The following ZNF713 variants were observed in gnomAD, a reference collection of about 807,000 sequenced individuals.
ZNF713 encodes the protein zinc finger protein 713.
ZNF713 carries 21 observed loss-of-function variants against 28.7 expected under a neutral mutation model. The observed-to-expected ratio is 0.73, with a 90% CI of 0.52 to 1.05. The LOEUF is 1.05. ZNF713 is among the 50% of genes least tolerant of loss of function. ZNF713 has a pLI of 0.00. For synonymous variants in ZNF713, 167 were observed against 178.0 expected, an observed-to-expected ratio of 0.94 and a Z score of 0.49; for missense variants, 458 against 532.4, an observed-to-expected ratio of 0.86 and a Z score of 1.37.
chr7:55,931,628 C>T (rs12674334), intron 6 of ZNF713, among the ~76,000 whole-genome samples: 27,330 of 148,490 alleles, frequency 0.18, 3,003 homozygotes, highest in East Asian at 0.35. Context: ...CCTCTCTCCT[C>T]TCCCTCCTTC....
intron 4 of ZNF713, among the ~76,000 whole-genome samples, chr7:55,913,296 G>A (rs1024603077): frequency 7.4e-5 from 11 of 149,144 alleles, no homozygotes; most frequent in Non-Finnish European, 1.5e-4. Context: ...CCGCCTCCTG[G>A]GTTCAAGTGA....
At chr7:55,909,795 T>C (rs894185193) in intron 2 of ZNF713, among the ~76,000 whole-genome samples, 3 of 152,304 alleles carry the variant, frequency 2.0e-5, no homozygotes, top group Admixed American at 2.0e-4. Context: ...TGTGTGGCTA[T>C]TGTAAATGGG....
rs55656709 is a variant in ZNF713 at position 55,919,490 on chromosome 7, G to GTTTTTTTTTTTTTT, written c.88-3652_88-3639dup. 2.1e-3 allele frequency among the ~76,000 whole-genome samples: 139 copies of GTTTTTTTTTTTTTT among 66,728 alleles called. 8 individuals are homozygous for GTTTTTTTTTTTTTT. Among genetic ancestry groups the GTTTTTTTTTTTTTT allele is most frequent in the Non-Finnish European group, 3.1e-3 (100 of 32,200 alleles). 43.8% of individuals were successfully genotyped at this position (66,728 alleles called of 152,430 possible). On this transcript the variant is annotated intron_variant, in intron 4 of 6. Transcript: ENST00000429591. ...GCTGGATAAATTGGTAAACACTCCA[G>GTTTTTTTTTTTTTT]TTTTTTTTTTTTTTTTTTTTTTTTT...
At chr7:55,932,890 CAAAAA>C (rs61092452) in intron 6 of ZNF713, among the ~76,000 whole-genome samples, 6 of 47,796 alleles carry the variant, frequency 1.3e-4, no homozygotes, top group African/African-American at 3.6e-4. Context: ...GACTCCGTCT[CAAAAA>C]AAAAAAAAAA....
At chr7:55,910,279 T>C (rs1785762710) in intron 2 of ZNF713, among the ~76,000 whole-genome samples, 1 of 152,204 alleles carries the variant, frequency 6.6e-6, no homozygotes, top group South Asian at 2.1e-4. Flanking sequence ...GTGAATATCC[T>C]TTATTTCTTT....
At chr7:55,901,853 C>G (rs1160515406) in intron 1 of ZNF713, among the ~76,000 whole-genome samples, 1 of 152,220 alleles carries the variant, frequency 6.6e-6, no homozygotes, top group African/African-American at 2.4e-5. Context: ...GTATCACTTA[C>G]TAACATGACA....
chr7:55,909,196 CAAAAAAAAAAA>C (rs71015121), intron 2 of ZNF713, among the ~76,000 whole-genome samples: 1 of 53,362 alleles, frequency 1.9e-5, no homozygotes, highest in African/African-American at 7.2e-5. Flanking sequence ...AAGACTCCGT[CAAAAAAAAAAA>C]AAAAAAAAAA....
chr7:55,915,609 C>T (rs376703002), intron 4 of ZNF713, among the ~76,000 whole-genome samples: 52 of 152,136 alleles, frequency 3.4e-4, no homozygotes, highest in African/African-American at 1.1e-3. Flanking sequence ...GTAGAACCTA[C>T]GAAAAGTAAG....
At chr7:55,913,195 CTTTTTTTTTT>C (rs66851959) in intron 4 of ZNF713, among the ~76,000 whole-genome samples, 3,776 of 88,310 alleles carry the variant, frequency 0.043, 108 homozygotes, top group Admixed American at 0.15. Flanking sequence ...GTTTTGATTC[CTTTTTTTTTT>C]TTTTTTTTTT....
At chr7:55,930,105 G>A (rs1012257879) in intron 6 of ZNF713, among the ~76,000 whole-genome samples, 10 of 151,848 alleles carry the variant, frequency 6.6e-5, no homozygotes, top group Non-Finnish European at 1.0e-4. Context: ...CTGTTGCCCA[G>A]GCTGGAGTGC....
intron 1 of ZNF713, among the ~76,000 whole-genome samples, chr7:55,902,974 CA>C (rs1785604609): frequency 1.2e-5 from 1 of 82,676 alleles, no homozygotes; most frequent in Admixed American, 1.8e-4. Context: ...GCCTGGACAA[CA>C]AGAGCAAAAC....
chr7:55,902,020 G>A (rs375452418), intron 1 of ZNF713, among the ~76,000 whole-genome samples: 4 of 152,078 alleles, frequency 2.6e-5, no homozygotes, highest in African/African-American at 7.2e-5. Flanking sequence ...GCAAAACCTC[G>A]TCTCTACTAA....
Position 55,934,985 on chromosome 7 carries a change from T to G in ZNF713, c.308-3997T>G, listed in dbSNP as rs548512474. The stretch of plus-strand genomic sequence containing the variant: ...CTCACTGCAACCTCCGCCTCCTGGG[T>G]TCAAGTGATTCTCCTGCCTCAGCCT... On this transcript the variant is annotated intron_variant, in intron 6 of 6. Coordinates refer to ENST00000429591, the MANE Select transcript of ZNF713 (RefSeq NM_182633.3). 3.6e-4 allele frequency among the ~76,000 whole-genome samples: 54 copies of G among 150,814 alleles called. 1 individual carries two copies. The highest frequency in any genetic ancestry group is 1.2e-3 in the African/African-American group (49 of 41,036).
At chr7:55,907,705 G>A (rs1036749858) in intron 2 of ZNF713, among the ~76,000 whole-genome samples, 2 of 152,130 alleles carry the variant, frequency 1.3e-5, no homozygotes, top group Non-Finnish European at 2.9e-5. Flanking sequence ...GTGGGAATGT[G>A]AAGTCTTTGA....
intron 1 of ZNF713, among the ~76,000 whole-genome samples, chr7:55,895,448 ACTCTTTTT>A (rs1785455744): frequency 1.0e-5 from 1 of 96,414 alleles, no homozygotes; most frequent in Non-Finnish European, 2.1e-5. Flanking sequence ...ATTCTGTTAT[ACTCTTTTT>A]TTTTTTTTTT....
chr7:55,936,568 G>T (rs1786351058), intron 6 of ZNF713, among the ~76,000 whole-genome samples: 1 of 152,184 alleles, frequency 6.6e-6, no homozygotes, highest in Admixed American at 6.6e-5. Flanking sequence ...TGGTTGGAAG[G>T]TGAAGACTGA....
intron 2 of ZNF713, among the ~76,000 whole-genome samples, chr7:55,908,537 A>G (rs1785727832): frequency 6.6e-6 from 1 of 150,988 alleles, no homozygotes; most frequent in African/African-American, 2.4e-5. Context: ...CTGTTGATGA[A>G]TGATGTTAAG....
intron 1 of ZNF713, among the ~76,000 whole-genome samples, chr7:55,889,288 G>A (rs1785335461): frequency 6.6e-6 from 1 of 152,038 alleles, no homozygotes; most frequent in South Asian, 2.1e-4. Context: ...TTTTAGTAGA[G>A]ACGGAGTTTC....
chr7:55,934,664 C>T (rs1191927045), intron 6 of ZNF713, among the ~76,000 whole-genome samples: 1 of 152,060 alleles, frequency 6.6e-6, no homozygotes, highest in Admixed American at 6.6e-5. Context: ...GCCACCACAC[C>T]TGGCTGTGTT....
Sources: gnomAD v4.1 joint callset for allele counts (sites outside exome capture counted in the v4.1 genomes callset) on GRCh38, gnomAD v4.1.1 for gene constraint, MANE v1.5 for transcripts, NCBI Gene and HGNC (gene_info 2026-07-23, HGNC 2026-07-21) for gene names.